The following LOXL2 variants were observed in gnomAD, a reference collection of about 807,000 sequenced individuals.
The protein encoded by LOXL2 is lysyl oxidase like 2.
LOXL2 carries 70 observed loss-of-function variants against 93.0 expected under a neutral mutation model. The observed-to-expected ratio is 0.75, with a 90% CI of 0.62 to 0.92. The LOEUF (loss-of-function observed/expected upper bound fraction) is 0.92. Ranked by LOEUF, LOXL2 falls within the 40% of genes least tolerant of loss-of-function variation. The pLI is 0.00. For missense variants in LOXL2, 973 were observed against 1,054.9 expected, an observed-to-expected ratio of 0.92 and a Z score of 1.08; for synonymous variants, 438 against 413.2, an observed-to-expected ratio of 1.06 and a Z score of -0.73.
intron 3 of LOXL2, among the ~76,000 whole-genome samples, chr8:23,346,014 G>A (rs1380972648): frequency 6.6e-6 from 1 of 151,580 alleles, no homozygotes; most frequent in Non-Finnish European, 1.5e-5. Context: ...GTTGCAGTGA[G>A]CTCAGACCAC....
intron 3 of LOXL2, among the ~76,000 whole-genome samples, chr8:23,359,162 A>G (rs1804247655): frequency 6.6e-6 from 1 of 152,042 alleles, no homozygotes; most frequent in African/African-American, 2.4e-5. Flanking sequence ...CAGTACCTGC[A>G]TTTTTAAAGT....
Position 23,297,971 on chromosome 8 carries a change from T to G in LOXL2, c.*72A>C, listed in dbSNP as rs1382914629. 2.3e-6 allele frequency: 3 copies of G among 1,317,204 alleles called. No individual in the cohort carries two copies. Among genetic ancestry groups the G allele is most frequent in the Non-Finnish European group, 2.2e-6 (2 of 921,022 alleles). 81.6% of individuals were successfully genotyped at this position (1,317,204 alleles called of 1,614,324 possible). A position where few individuals can be genotyped will look rare whatever the true frequency, so the allele number is the denominator to read the frequency against. On this transcript the variant is annotated 3_prime_UTR_variant, in exon 14 of 14. Transcript: ENST00000389131. Reference sequence around the variant, plus strand: ...GAGGGCACGTGGCATTCGTTCAGACTCAGTTGTTGGGGGGAAGTCCCATGG... The same window carrying G: ...GAGGGCACGTGGCATTCGTTCAGACGCAGTTGTTGGGGGGAAGTCCCATGG...
At chr8:23,317,361 T>C (rs74392942) in intron 8 of LOXL2, among the ~76,000 whole-genome samples, 1 of 152,194 alleles carries the variant, frequency 6.6e-6, no homozygotes, top group Non-Finnish European at 1.5e-5. Context: ...AGAGCTAAGG[T>C]TGTGGTCAGA....
chr8:23,305,445 T>A lies in LOXL2; in HGVS notation c.1881-2048A>T, dbSNP rs3779895. On this transcript the variant is annotated intron_variant, in intron 10 of 13. Transcript: ENST00000389131. ...CGCTTTGCCTCTTAGGCGTATGCGG[T>A]CATCCCTCCCTAGGGCCACATCTCC... Among the ~76,000 whole-genome samples the A allele has an allele frequency of 8.2e-3, 1,246 of 152,226 alleles. 62 individuals are homozygous for A. The East Asian group carries it at 0.14, about 17-fold the overall frequency.
chr8:23,344,130 C>T (rs958360599), intron 3 of LOXL2, among the ~76,000 whole-genome samples: 6 of 152,124 alleles, frequency 3.9e-5, no homozygotes, highest in South Asian at 2.1e-4. Context: ...AAGAGCTACG[C>T]GGGCCTGAGG....
chr8:23,386,759 C>A (rs1263587978), intron 1 of LOXL2, among the ~76,000 whole-genome samples: 1 of 152,136 alleles, frequency 6.6e-6, no homozygotes, highest in Non-Finnish European at 1.5e-5. Context: ...CAGGACCCTC[C>A]TCTACGCTGA....
chr8:23,361,299 A>G lies in LOXL2; in HGVS notation c.356-1034T>C, dbSNP rs138993681. ...GATTATCCCACCACCCCTTGAACCC[A>G]GAAGCCTGGGCCTTGACTTCCTATT... On this transcript the variant is annotated intron_variant, in intron 2 of 13. Coordinates refer to ENST00000389131, the MANE Select transcript of LOXL2 (RefSeq NM_002318.3). Among the ~76,000 whole-genome samples, 193 of 152,314 alleles carry G rather than the reference A, an allele frequency of 1.3e-3. 2 individuals carry two copies. In the East Asian group the frequency reaches 0.02, roughly 16 times the overall value.
intron 9 of LOXL2, among the ~76,000 whole-genome samples, chr8:23,316,224 A>G (rs7357571): frequency 0.75 from 114,085 of 152,186 alleles, 42,897 homozygotes; most frequent in Non-Finnish European, 0.78. Flanking sequence ...CTAATTTCTA[A>G]GGAAAACTAC....
At chr8:23,306,563 C>T (rs886431175) in intron 10 of LOXL2, among the ~76,000 whole-genome samples, 9 of 152,254 alleles carry the variant, frequency 5.9e-5, no homozygotes, top group Admixed American at 2.0e-4. Context: ...CCAGGGGCCA[C>T]GTCACATCTG....
At chr8:23,341,945 C>A (rs935589448) in intron 3 of LOXL2, among the ~76,000 whole-genome samples, 1 of 152,174 alleles carries the variant, frequency 6.6e-6, no homozygotes, top group Non-Finnish European at 1.5e-5. Flanking sequence ...AAAGGAGACA[C>A]TTTGAGCCCC....
At chr8:23,359,671 C>T (rs1411938637) in intron 3 of LOXL2, among the ~76,000 whole-genome samples, 2 of 152,246 alleles carry the variant, frequency 1.3e-5, no homozygotes, top group Non-Finnish European at 2.9e-5. Context: ...TCACTCTTTT[C>T]AGCTGCAAAA....
chr8:23,355,126 G>A (rs561027730), intron 3 of LOXL2, among the ~76,000 whole-genome samples: 5 of 151,480 alleles, frequency 3.3e-5, no homozygotes, highest in Non-Finnish European at 7.4e-5. Flanking sequence ...TGTATTTTTA[G>A]TAGAGACGGG....
intron 1 of LOXL2, among the ~76,000 whole-genome samples, chr8:23,396,785 G>GT (rs1195146152): frequency 1.3e-5 from 2 of 152,188 alleles, no homozygotes; most frequent in African/African-American, 2.4e-5. Flanking sequence ...GGCATGAAAC[G>GT]TATTTGAAAT....
At chr8:23,389,263 GA>G (rs1360869001) in intron 1 of LOXL2, among the ~76,000 whole-genome samples, 1 of 152,184 alleles carries the variant, frequency 6.6e-6, no homozygotes, top group Admixed American at 6.5e-5. Context: ...GCCTAGGAAG[GA>G]ATGTGAAAGG....
chr8:23,373,856 CCT>C (rs1360152909), intron 1 of LOXL2, among the ~76,000 whole-genome samples: 1 of 152,038 alleles, frequency 6.6e-6, no homozygotes, highest in Non-Finnish European at 1.5e-5. Context: ...CTCTCCCTCC[CCT>C]GACTTTCCCA....
At chr8:23,315,615 T>C (rs1246237771) in intron 9 of LOXL2, among the ~76,000 whole-genome samples, 1 of 152,248 alleles carries the variant, frequency 6.6e-6, no homozygotes, top group Non-Finnish European at 1.5e-5. Context: ...CAGCCATATT[T>C]CTATCTCACA....
chr8:23,345,498 G>A (rs961174612), intron 3 of LOXL2, among the ~76,000 whole-genome samples: 5 of 152,196 alleles, frequency 3.3e-5, no homozygotes, highest in Non-Finnish European at 7.3e-5. Flanking sequence ...TCAGGCCAGC[G>A]GGAGGAGGCA....
intron 1 of LOXL2, among the ~76,000 whole-genome samples, chr8:23,390,653 A>G (rs1329662721): frequency 6.6e-6 from 1 of 152,216 alleles, no homozygotes; most frequent in Non-Finnish European, 1.5e-5. Context: ...AGACTTTAAA[A>G]TGTGCCTACC....
chr8:23,350,478 G>A (rs931251936), intron 3 of LOXL2, among the ~76,000 whole-genome samples: 1 of 152,142 alleles, frequency 6.6e-6, no homozygotes. Flanking sequence ...GCTGAGGCAG[G>A]AGAATCACTT....
Sources: allele counts gnomAD v4.1 joint callset (sites outside exome capture counted in the v4.1 genomes callset), GRCh38; gene constraint gnomAD v4.1.1; transcripts MANE v1.5; gene names NCBI Gene and HGNC (gene_info 2026-07-23, HGNC 2026-07-21).